The following PSMD12 variants were observed in gnomAD, a reference collection of about 807,000 sequenced individuals.
PSMD12 encodes proteasome 26S subunit, non-ATPase 12, also known as 26S proteasome non-ATPase regulatory subunit 12.
A neutral mutation model predicts 62.9 loss-of-function variants in PSMD12; 8 were observed. That is an observed-to-expected ratio of 0.13 (90% CI 0.07 to 0.23). The LOEUF (loss-of-function observed/expected upper bound fraction) is 0.23, where lower values mean the gene tolerates loss of function less well. Among genes scored for constraint, PSMD12 ranks in the 10% least tolerant of loss-of-function variants. The probability of loss-of-function intolerance (pLI) is 1.00; values close to 1 mark genes in which losing one functional copy is unlikely to be tolerated. For synonymous variants in PSMD12, 173 were observed against 187.4 expected, an observed-to-expected ratio of 0.92 and a Z score of 0.63; for missense variants, 424 against 550.2, an observed-to-expected ratio of 0.77 and a Z score of 2.29.
intron 1 of PSMD12, among the ~76,000 whole-genome samples, chr17:67,360,653 T>C (rs1472418005): frequency 6.6e-6 from 1 of 152,218 alleles, no homozygotes; most frequent in African/African-American, 2.4e-5. Flanking sequence ...CCTTCCATCC[T>C]TGTATCAGTT....
intron 8 of PSMD12, 107 bp downstream of exon 8, chr17:67,345,638 A>G: frequency 1.1e-6 from 1 of 879,032 alleles, no homozygotes; most frequent in Non-Finnish European, 1.8e-6. Context: ...GTAAAACTCC[A>G]TCTCAAAAAA....
intron 1 of PSMD12, among the ~76,000 whole-genome samples, chr17:67,361,632 C>T (rs892541373): frequency 6.6e-6 from 1 of 151,990 alleles, no homozygotes. Context: ...CCAATACTCC[C>T]CCTACATAGT....
chr17:67,344,550 A>C (rs1407489044), intron 9 of PSMD12, 56 bp downstream of exon 9: 23 of 1,449,804 alleles, frequency 1.6e-5, no homozygotes, highest in Non-Finnish European at 2.0e-5. Flanking sequence ...TAATTCTAAA[A>C]AGTAAATTCA....
rs1000763015 is a variant in PSMD12 at position 67,366,481 on chromosome 17, G to A, written c.39C>T (p.Ile13=). 2.6e-5 allele frequency: 42 copies of A among 1,610,702 alleles called. No individual in the cohort carries two copies. Among genetic ancestry groups the A allele is most frequent in the Non-Finnish European group, 3.1e-5 (37 of 1,179,068 alleles). ...DGGSERADGR[I]VKMEVDYSAT... is the part of the protein sequence containing the mutation. ...CGCTGTAGTCCACCTCCATCTTGAC[G>A]ATGCGCCCGTCAGCCCGCTCCGAGC... is the stretch of plus-strand genomic sequence containing the variant. Residue 13 remains isoleucine (I), a synonymous_variant, in exon 1 of 11, where the codon ATC becomes ATT. Coordinates refer to ENST00000356126, the MANE Select transcript of PSMD12 (RefSeq NM_002816.5).
rs1057063248 is a variant in PSMD12 at position 67,338,970 on chromosome 17, A to G, written c.*1873T>C. The G allele has an allele frequency of 6.6e-5, 10 of 152,354 alleles. No homozygotes were observed. Among genetic ancestry groups the G allele is most frequent in the African/African-American group, 2.4e-4 (10 of 41,574 alleles). The allele number at this position is 152,354 out of a possible 1,614,324, so 9.4% of individuals were successfully genotyped here. On this transcript the variant is annotated 3_prime_UTR_variant, in exon 11 of 11. Coordinates refer to ENST00000356126, the MANE Select transcript of PSMD12 (RefSeq NM_002816.5). ...AATGAGTCTCTAGAAAGATGAAGTT[A>G]TTGAGAAGCTAGTTTCAAATTAGCT...
chr17:67,353,101 T>A (rs969930179), intron 3 of PSMD12, among the ~76,000 whole-genome samples: 4 of 152,130 alleles, frequency 2.6e-5, no homozygotes, highest in African/African-American at 7.2e-5. Context: ...TGTACATTAA[T>A]ACGCTAACAA....
Position 67,339,286 on chromosome 17 carries a change from T to C in PSMD12, c.*1557A>G, listed in dbSNP as rs1025483586. 16 of 151,990 alleles carry C rather than the reference T, an allele frequency of 1.1e-4. No individual in the cohort carries two copies. The highest frequency in any genetic ancestry group is 3.9e-4 in the African/African-American group (16 of 41,364). 9.4% of individuals were successfully genotyped at this position (151,990 alleles called of 1,614,324 possible). A position where few individuals can be genotyped will look rare whatever the true frequency, so the allele number is the denominator to read the frequency against. On this transcript the variant is annotated 3_prime_UTR_variant, in exon 11 of 11. Coordinates refer to ENST00000356126, the MANE Select transcript of PSMD12 (RefSeq NM_002816.5). The stretch of plus-strand genomic sequence containing the variant: ...CCACGCCCGGCAAATTTTTGTATTT[T>C]TTTTAGTAGAGACAGGGTTTTGCCA...
At chr17:67,345,618 G>C in intron 8 of PSMD12, 127 bp downstream of exon 8, 1 of 740,298 alleles carries the variant, frequency 1.4e-6, no homozygotes, top group Non-Finnish European at 2.3e-6. Context: ...CTCCAGTGTG[G>C]GCAACAATAG....
chr17:67,358,569 A>C (rs1411453690), intron 1 of PSMD12, among the ~76,000 whole-genome samples: 1 of 88,592 alleles, frequency 1.1e-5, no homozygotes, highest in African/African-American at 4.5e-5. Context: ...ACCTGTCTCA[A>C]AAAAAAAAAA....
intron 4 of PSMD12, among the ~76,000 whole-genome samples, chr17:67,350,021 G>A (rs2042002735): frequency 6.6e-6 from 1 of 151,972 alleles, no homozygotes; most frequent in Non-Finnish European, 1.5e-5. Flanking sequence ...GAAAAATCTA[G>A]ATATACCATG....
chr17:67,358,773 C>T (rs1189506029), intron 1 of PSMD12, among the ~76,000 whole-genome samples: 1 of 152,018 alleles, frequency 6.6e-6, no homozygotes, highest in Admixed American at 6.6e-5. Context: ...ATCATGCTTA[C>T]CGGAAATGAA....
chr17:67,358,722 C>T (rs2042102650), intron 1 of PSMD12, among the ~76,000 whole-genome samples: 3 of 151,814 alleles, frequency 2.0e-5, no homozygotes, highest in Admixed American at 6.6e-5. Context: ...AGACAGGAAA[C>T]TATGGTTTAA....
At chr17:67,360,288 G>A (rs553864517) in intron 1 of PSMD12, among the ~76,000 whole-genome samples, 1 of 152,352 alleles carries the variant, frequency 6.6e-6, no homozygotes, top group South Asian at 2.1e-4. Flanking sequence ...TAATTCAGAA[G>A]CATGGGTATT....
At chr17:67,364,238 A>C (rs923874227) in intron 1 of PSMD12, among the ~76,000 whole-genome samples, 6 of 152,074 alleles carry the variant, frequency 3.9e-5, no homozygotes, top group Non-Finnish European at 8.8e-5. Flanking sequence ...GGCTTAAAAA[A>C]AAAAATCAAA....
chr17:67,358,572 A>G (rs1415682565), intron 1 of PSMD12, among the ~76,000 whole-genome samples: 3 of 149,858 alleles, frequency 2.0e-5, no homozygotes, highest in Non-Finnish European at 4.4e-5. Context: ...TGTCTCAAAA[A>G]AAAAAAAAAA....
In PSMD12 at chr17:67,341,425, G is replaced by A. The variant is rs1047367113; in HGVS notation, c.1162-373C>T. Among the ~76,000 whole-genome samples the A allele has an allele frequency of 4.1e-5, 5 of 120,994 alleles. No homozygotes were observed. In the South Asian group the frequency reaches 7.9e-4, roughly 19 times the overall value. 79.4% of individuals were successfully genotyped at this position (120,994 alleles called of 152,430 possible). A position where few individuals can be genotyped will look rare whatever the true frequency, so the allele number is the denominator to read the frequency against. ...GTAGAGGTTGAAGTGAGCTGAGATC[G>A]CACCAATGCACTCCCACCTGGGCGA... On this transcript the variant is annotated intron_variant, in intron 10 of 10. Coordinates refer to ENST00000356126, the MANE Select transcript of PSMD12 (RefSeq NM_002816.5).
chr17:67,347,313 C>T, intron 6 of PSMD12, 23 bp downstream of exon 6: 3 of 1,611,834 alleles, frequency 1.9e-6, no homozygotes, highest in Non-Finnish European at 2.5e-6. Flanking sequence ...TTAAAGTAAA[C>T]ATGTGGTCAC....
chr17:67,356,775 C>T, intron 3 of PSMD12, among the ~76,000 whole-genome samples: 1 of 151,852 alleles, frequency 6.6e-6, no homozygotes. Context: ...TTTTGAGAGG[C>T]CAAGGCAGAG....
rs2042167623 is a variant in PSMD12 at position 67,365,170 on chromosome 17, G to C, written c.108+1242C>G. ...CTGCACTCCATCCTGGGTGAAAAAAGTGAAACTCCGTCTCAAAAAAAAAAA... is the reference window on the plus strand; with the variant it reads ...CTGCACTCCATCCTGGGTGAAAAAACTGAAACTCCGTCTCAAAAAAAAAAA... On this transcript the variant is annotated intron_variant, in intron 1 of 10. Transcript: ENST00000356126. Among the ~76,000 whole-genome samples, 3 of 145,608 alleles carry C rather than the reference G, an allele frequency of 2.1e-5. No individual in the cohort carries two copies. In the Admixed American group the frequency reaches 2.1e-4, roughly 10 times the overall value.
Sources: gnomAD v4.1 joint callset for allele counts (sites outside exome capture counted in the v4.1 genomes callset) on GRCh38, gnomAD v4.1.1 for gene constraint, MANE v1.5 for transcripts, NCBI Gene and HGNC (gene_info 2026-07-23, HGNC 2026-07-21) for gene names.